CACNA2D4: variants seen among roughly 807,000 people sequenced by gnomAD.
CACNA2D4 encodes the protein voltage-dependent calcium channel subunit alpha-2/delta-4.
A neutral mutation model predicts 163.8 loss-of-function variants in CACNA2D4; 157 were observed. The observed-to-expected ratio is 0.96, with a 90% CI of 0.84 to 1.09. CACNA2D4 has a LOEUF of 1.09. CACNA2D4 is among the 50% of genes least tolerant of loss of function. The pLI is 0.00. For synonymous variants in CACNA2D4, 598 were observed against 586.9 expected, an observed-to-expected ratio of 1.02 and a Z score of -0.27; for missense variants, 1,410 against 1,479.9, an observed-to-expected ratio of 0.95 and a Z score of 0.78.
chr12:1,913,768 T>C lies in CACNA2D4; in HGVS notation c.310-629A>G, dbSNP rs540149651. Among the ~76,000 whole-genome samples, 14 of 152,368 alleles carry C rather than the reference T, an allele frequency of 9.2e-5. 1 individual carries two copies. In the East Asian group the frequency reaches 2.7e-3, roughly 29 times the overall value. ...AGACCAGCTCTCACTGACTGTGTAT[T>C]GTGAATGTCTATTCACCCAGCTCTG... On this transcript the variant is annotated intron_variant, in intron 2 of 37. Coordinates refer to ENST00000382722, the MANE Select transcript of CACNA2D4 (RefSeq NM_172364.5).
intron 6 of CACNA2D4, among the ~76,000 whole-genome samples, chr12:1,898,657 C>T (rs1005881413): frequency 1.3e-5 from 2 of 151,702 alleles, no homozygotes; most frequent in Non-Finnish European, 2.9e-5. Flanking sequence ...GAGGCTGCAT[C>T]CTTTTACATT....
chr12:1,819,384 C>T (rs1449486257), intron 26 of CACNA2D4, among the ~76,000 whole-genome samples: 4 of 152,132 alleles, frequency 2.6e-5, no homozygotes, highest in Admixed American at 1.3e-4. Context: ...GCAGAACGGA[C>T]AGAAGGGAGT....
At chr12:1,871,211 T>C (rs966591889) in intron 18 of CACNA2D4, among the ~76,000 whole-genome samples, 1 of 151,060 alleles carries the variant, frequency 6.6e-6, no homozygotes, top group Non-Finnish European at 1.5e-5. Flanking sequence ...TACATGTGTG[T>C]GCTTCTGGTA....
At chr12:1,814,181 A>C (rs1863803489) in intron 26 of CACNA2D4, among the ~76,000 whole-genome samples, 1 of 152,182 alleles carries the variant, frequency 6.6e-6, no homozygotes, top group South Asian at 2.1e-4. Flanking sequence ...TTGATGGCTC[A>C]GTGTCAAGTC....
At chr12:1,801,246 A>G (rs1565671263) in intron 30 of CACNA2D4, 128 bp from the exon 31 acceptor site, 1 of 747,674 alleles carries the variant, frequency 1.3e-6, no homozygotes, top group Non-Finnish European at 2.4e-6. Flanking sequence ...AGGACAGCAG[A>G]TCAGAATACA....
In CACNA2D4 at chr12:1,883,717, C is replaced by T. The variant is rs982363500; in HGVS notation, c.1351+526G>A. 1.3e-5 allele frequency among the ~76,000 whole-genome samples: 2 copies of T among 152,148 alleles called. No homozygotes were observed. The highest frequency in any genetic ancestry group is 4.8e-5 in the African/African-American group (2 of 41,418). On this transcript the variant is annotated intron_variant, in intron 12 of 37. Coordinates refer to ENST00000382722, the MANE Select transcript of CACNA2D4 (RefSeq NM_172364.5). The surrounding 1 kb of genome is among the most constrained non-coding windows in gnomAD (Gnocchi z 4.5). ...CCCCCATGGCCCCCGGCACCCTGAA[C>T]AGTCTGTGTCTCTCCACCATCAAAG...
rs1023652666 is a variant in CACNA2D4 at position 1,828,061 on chromosome 12, T to TCCTC, written c.2551+12674_2551+12677dup. 22 of 1,303,966 alleles carry TCCTC rather than the reference T, an allele frequency of 1.7e-5. No individual in the cohort carries two copies. Among genetic ancestry groups the TCCTC allele is most frequent in the African/African-American group, 9.1e-5 (6 of 66,106 alleles). 80.8% of individuals were successfully genotyped at this position (1,303,966 alleles called of 1,614,324 possible). A position where few individuals can be genotyped will look rare whatever the true frequency, so the allele number is the denominator to read the frequency against. On this transcript the variant is annotated intron_variant, in intron 26 of 37. Coordinates refer to ENST00000382722, the MANE Select transcript of CACNA2D4 (RefSeq NM_172364.5). The surrounding 1 kb of genome is among the most constrained non-coding windows in gnomAD (Gnocchi z 4.2). ...TCCCGCGCCTGCCTGTGCTCAGTGC[T>TCCTC]CCTCCCTCCCTCAGGACTGACAGGC...
chr12:1,804,958 C>G (rs1002350587), intron 29 of CACNA2D4, among the ~76,000 whole-genome samples: 1 of 152,224 alleles, frequency 6.6e-6, no homozygotes, highest in Non-Finnish European at 1.5e-5. Context: ...GGCAAATCCC[C>G]GACTCAAATA....
chr12:1,856,255 T>C (rs762699672), intron 20 of CACNA2D4, 26 bp from the exon 21 acceptor site: 1 of 1,613,380 alleles, frequency 6.2e-7, no homozygotes, highest in Non-Finnish European at 8.5e-7. Flanking sequence ...ACATTCAGGG[T>C]GATGCTCCCT....
At chr12:1,796,205 C>A (rs1863121091) in intron 35 of CACNA2D4, among the ~76,000 whole-genome samples, 1 of 152,314 alleles carries the variant, frequency 6.6e-6, no homozygotes, top group East Asian at 1.9e-4. Flanking sequence ...GGCGCAGTGG[C>A]CCCGCGCTCG....
At chr12:1,877,106 C>T (rs1373275301) in intron 16 of CACNA2D4, among the ~76,000 whole-genome samples, 1 of 152,092 alleles carries the variant, frequency 6.6e-6, no homozygotes, top group Admixed American at 6.5e-5. Context: ...CTAATTGTTT[C>T]ATTTGTGTAA....
At chr12:1,832,404 A>G (rs913088077) in intron 26 of CACNA2D4, among the ~76,000 whole-genome samples, 1 of 152,250 alleles carries the variant, frequency 6.6e-6, no homozygotes, top group East Asian at 1.9e-4. Flanking sequence ...TGAGTCCTCA[A>G]TAAAACGTCC....
intron 37 of CACNA2D4, among the ~76,000 whole-genome samples, chr12:1,794,295 A>T (rs946887773): frequency 6.6e-6 from 1 of 152,180 alleles, no homozygotes; most frequent in Admixed American, 6.5e-5. Flanking sequence ...ATCCTGGTTG[A>T]CTTCGTATTT....
At chr12:1,838,923 C>T (rs1484666244) in intron 26 of CACNA2D4, among the ~76,000 whole-genome samples, 3 of 152,176 alleles carry the variant, frequency 2.0e-5, no homozygotes, top group Admixed American at 6.5e-5. Context: ...CAGGGAAGCA[C>T]GGCAGCCAGG....
chr12:1,804,164 TC>T (rs981914782), intron 29 of CACNA2D4, among the ~76,000 whole-genome samples: 3 of 143,432 alleles, frequency 2.1e-5, no homozygotes, highest in African/African-American at 7.7e-5. Context: ...TGTGTGTGTG[TC>T]CCCTCCGTCA....
At chr12:1,895,527 G>A (rs1866382475) in intron 6 of CACNA2D4, among the ~76,000 whole-genome samples, 1 of 152,166 alleles carries the variant, frequency 6.6e-6, no homozygotes, top group South Asian at 2.1e-4. Context: ...CAAACAGCAT[G>A]ATATTGGTAT....
rs761609468 is a variant in CACNA2D4, at chr12:1,869,493, G to T, written c.1878+5111C>A. Among the ~76,000 whole-genome samples, 3 of 152,236 alleles carry T rather than the reference G, an allele frequency of 2.0e-5. No homozygotes were observed. Among genetic ancestry groups the T allele is most frequent in the Non-Finnish European group, 2.9e-5 (2 of 68,046 alleles). ...TCTGCGGGTCATCTGCCATCCTGAT[G>T]GGTAGAGTTGGTGAGTGACAGATGT... On this transcript the variant is annotated intron_variant, in intron 18 of 37. Coordinates refer to ENST00000382722, the MANE Select transcript of CACNA2D4 (RefSeq NM_172364.5). This position sits in a 1 kb window ranked among gnomAD's most constrained non-coding sequence, Gnocchi z 4.7.
intron 18 of CACNA2D4, among the ~76,000 whole-genome samples, chr12:1,872,383 A>T (rs1865805081): frequency 1.3e-5 from 2 of 152,198 alleles, no homozygotes; most frequent in African/African-American, 4.8e-5. Context: ...ATACCTATAA[A>T]ATCCCCTGGA....
intron 29 of CACNA2D4, among the ~76,000 whole-genome samples, chr12:1,805,973 C>T (rs552507432): frequency 6.6e-4 from 101 of 152,322 alleles, no homozygotes; most frequent in African/African-American, 2.2e-3. Context: ...TGCCCCCTGA[C>T]GACAGAGAGG....
Sources: allele counts gnomAD v4.1 joint callset (sites outside exome capture counted in the v4.1 genomes callset), GRCh38; gene constraint gnomAD v4.1.1; non-coding constraint Gnocchi (gnomAD v3.1); transcripts MANE v1.5; gene names NCBI Gene and HGNC (gene_info 2026-07-23, HGNC 2026-07-21).